Variants in BLK observed in about 807,000 individuals in gnomAD.
BLK encodes the protein BLK proto-oncogene, Src family tyrosine kinase.
A neutral mutation model predicts 61.8 loss-of-function variants in BLK; 64 were observed. That is an observed-to-expected ratio of 1.03 (90% CI 0.85 to 1.27). The LOEUF (loss-of-function observed/expected upper bound fraction) is 1.27, where lower values mean the gene tolerates loss of function less well. Ranked by LOEUF, BLK falls within the 50% of genes most tolerant of loss-of-function variation. The pLI, the probability that BLK is intolerant of heterozygous loss-of-function variation, is 0.00. For synonymous variants in BLK, 351 were observed against 272.0 expected (o/e 1.29, Z -2.86); for missense variants, 853 against 660.5 (o/e 1.29, Z -3.19).
At chr8:11,559,305 TCA>T (rs1801369800) in intron 10 of BLK, among the ~76,000 whole-genome samples, 1 of 146,552 alleles carries the variant, frequency 6.8e-6, no homozygotes, top group Admixed American at 6.9e-5. Context: ...ACACACACTC[TCA>T]CACACATAAA....
chr8:11,558,836 C>T (rs192401931), intron 10 of BLK: 56 of 455,278 alleles, frequency 1.2e-4, no homozygotes, highest in Non-Finnish European at 2.3e-4. Context: ...CACACACATA[C>T]AGCTGCCACC....
chr8:11,528,077 C>G (rs1309931704), intron 1 of BLK, among the ~76,000 whole-genome samples: 1 of 152,162 alleles, frequency 6.6e-6, no homozygotes, highest in Non-Finnish European at 1.5e-5. Flanking sequence ...CACTCTGTCA[C>G]CGAGGCTGGA....
intron 11 of BLK, among the ~76,000 whole-genome samples, chr8:11,562,711 C>T (rs1016564471): frequency 2.6e-5 from 4 of 152,240 alleles, no homozygotes; most frequent in African/African-American, 9.6e-5. Flanking sequence ...TTGAGGCCAT[C>T]GCTCTCTTTT....
At chr8:11,528,184 A>T (rs1452841901) in intron 1 of BLK, among the ~76,000 whole-genome samples, 1 of 151,980 alleles carries the variant, frequency 6.6e-6, no homozygotes, top group Non-Finnish European at 1.5e-5. Context: ...CTACAAGCAC[A>T]TGCCTCCATG....
At chr8:11,519,158 T>C (rs978811798) in intron 1 of BLK, among the ~76,000 whole-genome samples, 1 of 152,254 alleles carries the variant, frequency 6.6e-6, no homozygotes, top group South Asian at 2.1e-4. Flanking sequence ...CTCCAGCATG[T>C]TGCAAGATCT....
chr8:11,504,415 A>AGAAAAG (rs1366288196), intron 1 of BLK, among the ~76,000 whole-genome samples: 1 of 150,466 alleles, frequency 6.6e-6, no homozygotes, highest in Non-Finnish European at 1.5e-5. Context: ...AGAAAAGAAA[A>AGAAAAG]AAAAAAGAAA....
chr8:11,543,740 A>G (rs1483419132), intron 2 of BLK, among the ~76,000 whole-genome samples: 1 of 152,222 alleles, frequency 6.6e-6, no homozygotes, highest in Non-Finnish European at 1.5e-5. Flanking sequence ...TGGGATAAGC[A>G]TCATGAAACA....
At chr8:11,512,327 GATCTCTTAACAA>G (rs1459079231) in intron 1 of BLK, among the ~76,000 whole-genome samples, 1 of 152,166 alleles carries the variant, frequency 6.6e-6, no homozygotes, top group African/African-American at 2.4e-5. Flanking sequence ...AACTTGTTAT[GATCTCTTAACAA>G]GGTCTAGCCA....
chr8:11,513,434 T>C (rs1292796508), intron 1 of BLK, among the ~76,000 whole-genome samples: 2 of 152,322 alleles, frequency 1.3e-5, no homozygotes, highest in Non-Finnish European at 2.9e-5. Context: ...CTTTAGGGCA[T>C]GAGAGTGCCA....
intron 1 of BLK, among the ~76,000 whole-genome samples, chr8:11,496,903 A>C (rs1798380456): frequency 6.6e-6 from 1 of 152,068 alleles, no homozygotes; most frequent in African/African-American, 2.4e-5. Context: ...ATCCCATTTG[A>C]GTGAGGATTC....
At position 11,564,031 on chromosome 8, in the gene BLK, C is replaced by T. The variant is rs1187893991; in HGVS notation, c.1441C>T (p.Pro481Ser). Residue 481 changes from proline (P) to serine (S), a missense_variant, in exon 13 of 13, where the codon CCC becomes TCC. Coordinates refer to ENST00000259089, the MANE Select transcript of BLK (RefSeq NM_001715.3). ...CTGGCGCAGCCGGCCCGAGGAGCGG[C>T]CCACCTTCGAGTTCCTGCAGTCGGT... The part of the protein sequence containing the change: ...ECWRSRPEER[P>S]TFEFLQSVLE... 2.5e-6 allele frequency: 4 copies of T among 1,603,816 alleles called. No individual in the cohort carries two copies. Among genetic ancestry groups the T allele is most frequent in the Non-Finnish European group, 2.5e-6 (3 of 1,178,620 alleles).
chr8:11,542,705 A>G (rs750634719), intron 1 of BLK, among the ~76,000 whole-genome samples: 3 of 152,198 alleles, frequency 2.0e-5, no homozygotes, highest in African/African-American at 4.8e-5. Context: ...TGTGCTATCA[A>G]TCTGTCCTAA....
chr8:11,546,854 G>T (rs184990898), intron 3 of BLK, among the ~76,000 whole-genome samples: 1 of 152,246 alleles, frequency 6.6e-6, no homozygotes, highest in Admixed American at 6.5e-5. Context: ...GGGATTACAG[G>T]CGTGAGCCAC....
chr8:11,501,002 G>C (rs184257567), intron 1 of BLK, among the ~76,000 whole-genome samples: 299 of 151,818 alleles, frequency 2.0e-3, no homozygotes, highest in African/African-American at 7.0e-3. Flanking sequence ...TGAGGTCAGG[G>C]GTTCGAGACC....
At chr8:11,538,484 G>A (rs1800229347) in intron 1 of BLK, among the ~76,000 whole-genome samples, 1 of 152,366 alleles carries the variant, frequency 6.6e-6, no homozygotes, top group South Asian at 2.1e-4. Flanking sequence ...CTGCTAAGGA[G>A]TCAAAGGACA....
intron 6 of BLK, among the ~76,000 whole-genome samples, chr8:11,551,702 C>T (rs1800913882): frequency 6.6e-6 from 1 of 152,150 alleles, no homozygotes; most frequent in African/African-American, 2.4e-5. Context: ...CAGTTTGGGG[C>T]TGTTAATGCA....
intron 6 of BLK, among the ~76,000 whole-genome samples, chr8:11,553,770 T>C (rs549411676): frequency 6.6e-4 from 101 of 152,076 alleles, no homozygotes; most frequent in Non-Finnish European, 9.0e-4. Context: ...GGTGTCCTTT[T>C]GCAAGTAGGT....
At chr8:11,546,148 C>T (rs374755485) in intron 3 of BLK, 45 bp downstream of exon 3, 200 of 1,605,616 alleles carry the variant, frequency 1.2e-4, no homozygotes, top group Non-Finnish European at 1.6e-4. Context: ...AGCCCTCTCC[C>T]CTAGGTGGCA....
intron 2 of BLK, among the ~76,000 whole-genome samples, chr8:11,544,494 G>A (rs114266991): frequency 2.0e-5 from 3 of 152,180 alleles, no homozygotes; most frequent in South Asian, 2.1e-4. Context: ...CCAGTTTAGC[G>A]CCAGTCTCAG....
Sources: gnomAD v4.1 joint callset for allele counts (sites outside exome capture counted in the v4.1 genomes callset) on GRCh38, gnomAD v4.1.1 for gene constraint, MANE v1.5 for transcripts, NCBI Gene and HGNC (gene_info 2026-07-23, HGNC 2026-07-21) for gene names.